The following CASP6 variants were observed in gnomAD, a reference collection of about 807,000 sequenced individuals.
The protein encoded by CASP6 is caspase-6.
CASP6 carries 20 observed loss-of-function variants against 31.8 expected under a neutral mutation model. The ratio of observed to expected loss-of-function variants is 0.63; its 90% CI spans 0.44 to 0.91. CASP6 has a LOEUF of 0.91. Among genes scored for constraint, CASP6 ranks in the 40% least tolerant of loss-of-function variants. CASP6 has a pLI of 0.00. For missense variants in CASP6, 328 were observed against 361.1 expected (o/e 0.91, Z 0.74); for synonymous variants, 130 against 127.8 (o/e 1.02, Z -0.12).
At chr4:109,676,827 GTTTC>G in the CASP6 span, among the ~76,000 whole-genome samples, 1 of 152,216 alleles carries the variant, frequency 6.6e-6, no homozygotes, top group Non-Finnish European at 1.5e-5. Flanking sequence ...AATCTGCATG[GTTTC>G]TTTAACTGCA....
intron 5 of CASP6, among the ~76,000 whole-genome samples, chr4:109,693,551 A>T (rs1730140544): frequency 6.6e-6 from 1 of 151,784 alleles, no homozygotes; most frequent in Admixed American, 6.6e-5. Flanking sequence ...GCCAGCCATG[A>T]TGGCAGGTGC....
downstream of CASP6, chr4:109,687,873 T>C (rs1579102857): frequency 2.7e-6 from 1 of 364,106 alleles, no homozygotes; most frequent in Non-Finnish European, 4.9e-6. Context: ...TATGTGGAGG[T>C]GAAAGGGTCT....
the CASP6 span, among the ~76,000 whole-genome samples, chr4:109,667,810 A>G: frequency 2.0e-5 from 3 of 151,246 alleles, no homozygotes; most frequent in African/African-American, 4.8e-5. Context: ...CCCTCTGAGC[A>G]TTGCTTTCAC....
chr4:109,690,794 C>T, intron 6 of CASP6, 56 bp downstream of exon 6: 2 of 1,521,882 alleles, frequency 1.3e-6, no homozygotes, highest in Non-Finnish European at 1.8e-6. Context: ...AAAGGTGAAA[C>T]TTACAGGACC....
At chr4:109,680,461 ATAGT>A in the CASP6 span, among the ~76,000 whole-genome samples, 2 of 152,104 alleles carry the variant, frequency 1.3e-5, no homozygotes, top group African/African-American at 4.8e-5. Flanking sequence ...CCCTATTGCA[ATAGT>A]TATTAATAAA....
chr4:109,688,489 A>AAAGT (rs894781187), downstream of CASP6: 70 of 152,324 alleles, frequency 4.6e-4, no homozygotes, highest in African/African-American at 1.7e-3. Context: ...GATTTTTTTT[A>AAAGT]AAGTAGGAAT....
chr4:109,691,047 C>T, intron 5 of CASP6, 38 bp from the exon 6 acceptor site: 1 of 1,580,474 alleles, frequency 6.3e-7, no homozygotes, highest in Non-Finnish European at 8.6e-7. Context: ...TCTTTGCCTA[C>T]TGTTTCCTTC....
chr4:109,666,769 C>A, the CASP6 span, among the ~76,000 whole-genome samples: 3 of 152,160 alleles, frequency 2.0e-5, no homozygotes, highest in Non-Finnish European at 4.4e-5. Flanking sequence ...AAATTGCCCT[C>A]TGTTCCTGGT....
At chr4:109,670,691 G>C in the CASP6 span, among the ~76,000 whole-genome samples, 19 of 151,890 alleles carry the variant, frequency 1.3e-4, no homozygotes, top group South Asian at 4.0e-3. Flanking sequence ...ACTCCAGCCT[G>C]GGCAACAGAG....
chr4:109,691,147 T>C (rs569019177), intron 5 of CASP6, 138 bp from the exon 6 acceptor site: 167 of 891,552 alleles, frequency 1.9e-4, no homozygotes, highest in Middle Eastern at 3.6e-4. Flanking sequence ...AGCAATACAT[T>C]CAGGTTTGGA....
the CASP6 span, among the ~76,000 whole-genome samples, chr4:109,709,704 T>C: frequency 6.6e-6 from 1 of 152,310 alleles, no homozygotes; most frequent in Admixed American, 6.5e-5. Context: ...TCACCTATCA[T>C]AGGAATGAAA....
chr4:109,702,256 T>C (rs952028742), intron 1 of CASP6, among the ~76,000 whole-genome samples: 1 of 152,182 alleles, frequency 6.6e-6, no homozygotes, highest in Non-Finnish European at 1.5e-5. Context: ...TGGAGCACCA[T>C]TTCCTTTGTG....
chr4:109,708,479 A>G (rs769960210), upstream of CASP6, among the ~76,000 whole-genome samples: 7 of 152,188 alleles, frequency 4.6e-5, no homozygotes, highest in African/African-American at 9.7e-5. Flanking sequence ...ATGTGGCTCA[A>G]TATTTAGCCA....
chr4:109,669,386 C>CT, the CASP6 span, among the ~76,000 whole-genome samples: 71 of 151,306 alleles, frequency 4.7e-4, no homozygotes, highest in Non-Finnish European at 8.0e-4. Context: ...GGTTTAATTT[C>CT]TTTTTTTTTC....
intron 1 of CASP6, 108 bp downstream of exon 1, chr4:109,703,248 C>T: frequency 1.5e-6 from 2 of 1,305,308 alleles, no homozygotes; most frequent in East Asian, 2.6e-5. Context: ...GCCGAAGGAA[C>T]CCGCGGCCCC....
At chr4:109,674,405 T>C in the CASP6 span, among the ~76,000 whole-genome samples, 1 of 152,248 alleles carries the variant, frequency 6.6e-6, no homozygotes, top group African/African-American at 2.4e-5. Flanking sequence ...ATTTTTAAGA[T>C]GAACTTAGTT....
chr4:109,682,024 G>A, the CASP6 span, among the ~76,000 whole-genome samples: 2 of 152,138 alleles, frequency 1.3e-5, no homozygotes, highest in Non-Finnish European at 2.9e-5. Flanking sequence ...ATAGATGATC[G>A]GCTATTTCTT....
At chr4:109,701,349 A>G (rs994895090) in intron 1 of CASP6, among the ~76,000 whole-genome samples, 2 of 152,212 alleles carry the variant, frequency 1.3e-5, no homozygotes, top group Non-Finnish European at 2.9e-5. Flanking sequence ...GCTACCCTGT[A>G]TAACAGATAT....
chr4:109,685,343 C>G, downstream of CASP6: 10 of 1,558,392 alleles, frequency 6.4e-6, no homozygotes, highest in Middle Eastern at 1.7e-4. Flanking sequence ...AGCAATACAA[C>G]AAGTTAAAAG....
Sources: gnomAD v4.1 joint callset for allele counts (sites outside exome capture counted in the v4.1 genomes callset) on GRCh38, gnomAD v4.1.1 for gene constraint, MANE v1.5 for transcripts, NCBI Gene and HGNC (gene_info 2026-07-23, HGNC 2026-07-21) for gene names.